Variants in GRM8 observed in about 807,000 individuals in gnomAD.
GRM8 encodes the protein glutamate metabotropic receptor 8, also known as metabotropic glutamate receptor 8.
A neutral mutation model predicts 87.2 loss-of-function variants in GRM8; 47 were observed. That is an observed-to-expected ratio of 0.54 (90% CI 0.43 to 0.69). The LOEUF is 0.69. GRM8 is among the 30% of genes least tolerant of loss of function. GRM8 has a pLI of 0.00. For missense variants in GRM8, 1,019 were observed against 1,139.2 expected, an observed-to-expected ratio of 0.89 and a Z score of 1.52; for synonymous variants, 396 against 404.5, an observed-to-expected ratio of 0.98 and a Z score of 0.25.
At chr7:126,458,551 C>T (rs1803529552) in intron 9 of GRM8, among the ~76,000 whole-genome samples, 1 of 151,152 alleles carries the variant, frequency 6.6e-6, no homozygotes, top group African/African-American at 2.4e-5. Flanking sequence ...GATTTTAATT[C>T]ATCTTTTCAA....
intron 7 of GRM8, among the ~76,000 whole-genome samples, chr7:126,663,705 G>A (rs1805459821): frequency 6.6e-6 from 1 of 152,090 alleles, no homozygotes; most frequent in African/African-American, 2.4e-5. Flanking sequence ...GGCAAAAGCT[G>A]GATACATCCC....
In GRM8 at chr7:127,070,586, C is replaced by T. The variant is rs575125198; in HGVS notation, c.727+35910G>A. ...CATAAACCATGATGTGTCCCAGAAG[C>T]TCATTGAAAACAATGAGCTAGCACA... On this transcript the variant is annotated intron_variant, in intron 3 of 10. Coordinates refer to ENST00000339582, the MANE Select transcript of GRM8 (RefSeq NM_000845.3). Among the ~76,000 whole-genome samples, 12 of 152,188 alleles carry T rather than the reference C, an allele frequency of 7.9e-5. No individual in the cohort carries two copies. The East Asian group carries it at 2.3e-3, about 29-fold the overall frequency.
At chr7:126,878,100 C>T (rs1330889463) in intron 6 of GRM8, among the ~76,000 whole-genome samples, 1 of 152,184 alleles carries the variant, frequency 6.6e-6, no homozygotes, top group Non-Finnish European at 1.5e-5. Context: ...CAGGGGAACA[C>T]ACTGCTTCTT....
chr7:126,994,785 C>G (rs983569067), intron 3 of GRM8, among the ~76,000 whole-genome samples: 5 of 152,116 alleles, frequency 3.3e-5, no homozygotes, highest in Non-Finnish European at 5.9e-5. Flanking sequence ...GGCTCCCAGA[C>G]AGCATCTCTA....
At chr7:126,712,862 T>G (rs1054415273) in intron 7 of GRM8, among the ~76,000 whole-genome samples, 2 of 152,198 alleles carry the variant, frequency 1.3e-5, no homozygotes, top group Admixed American at 6.5e-5. Flanking sequence ...TCATCACTTG[T>G]TGATAGAGAA....
At chr7:126,806,475 C>T (rs1792736481) in intron 6 of GRM8, among the ~76,000 whole-genome samples, 1 of 152,246 alleles carries the variant, frequency 6.6e-6, no homozygotes, top group African/African-American at 2.4e-5. Flanking sequence ...CGCAGCTGGC[C>T]TGCTTTTATT....
chr7:126,942,068 C>T (rs1358886390), intron 3 of GRM8, among the ~76,000 whole-genome samples: 1 of 152,016 alleles, frequency 6.6e-6, no homozygotes, highest in Non-Finnish European at 1.5e-5. Flanking sequence ...GTGAATTTGG[C>T]AAGGTGACTT....
chr7:127,200,087 A>G (rs965607490), intron 2 of GRM8, among the ~76,000 whole-genome samples: 3 of 152,220 alleles, frequency 2.0e-5, no homozygotes, highest in African/African-American at 7.2e-5. Flanking sequence ...GCAATAATCA[A>G]GACACCCAAC....
intron 1 of GRM8, among the ~76,000 whole-genome samples, chr7:127,248,306 A>C (rs775777287): frequency 3.3e-5 from 5 of 152,268 alleles, no homozygotes; most frequent in Non-Finnish European, 7.3e-5. Context: ...CACAGCCTCC[A>C]TTCAGGATCT....
intron 3 of GRM8, among the ~76,000 whole-genome samples, chr7:126,975,895 C>T (rs1330889253): frequency 6.6e-6 from 1 of 152,112 alleles, no homozygotes. Context: ...TCCTGCCTAC[C>T]TCATGACCAC....
At chr7:126,699,001 G>A (rs1809659488) in intron 7 of GRM8, among the ~76,000 whole-genome samples, 1 of 152,170 alleles carries the variant, frequency 6.6e-6, no homozygotes, top group African/African-American at 2.4e-5. Context: ...GGAATGTGGT[G>A]AAAGAAGCTG....
At chr7:126,445,597 G>A (rs944999300) in intron 10 of GRM8, 1 of 153,494 alleles carries the variant, frequency 6.5e-6, no homozygotes, top group African/African-American at 2.4e-5. Flanking sequence ...AAGCCCTCAG[G>A]AAGCCCAAGG....
intron 8 of GRM8, among the ~76,000 whole-genome samples, chr7:126,606,592 T>C (rs2151091102): frequency 6.6e-6 from 1 of 152,300 alleles, no homozygotes; most frequent in African/African-American, 2.4e-5. Flanking sequence ...ATAAAAGTCA[T>C]TTGATTTGTC....
At chr7:126,844,883 C>G (rs1796580014) in intron 6 of GRM8, among the ~76,000 whole-genome samples, 1 of 152,188 alleles carries the variant, frequency 6.6e-6, no homozygotes, top group East Asian at 1.9e-4. Context: ...CCTAAAAGCT[C>G]TATCTCCAAA....
chr7:126,616,392 T>G (rs1799494979), intron 7 of GRM8, among the ~76,000 whole-genome samples: 2 of 152,226 alleles, frequency 1.3e-5, no homozygotes, highest in African/African-American at 4.8e-5. Flanking sequence ...AGAGGGAAAT[T>G]TATAGCACGA....
chr7:126,472,619 A>G (rs1451356662), intron 9 of GRM8, among the ~76,000 whole-genome samples: 2 of 152,222 alleles, frequency 1.3e-5, no homozygotes, highest in African/African-American at 4.8e-5. Context: ...TTTTCTGAGG[A>G]GAAATTCAAG....
intron 9 of GRM8, among the ~76,000 whole-genome samples, chr7:126,453,620 T>C (rs1274762959): frequency 4.6e-5 from 7 of 151,786 alleles, no homozygotes; most frequent in Admixed American, 3.9e-4. Flanking sequence ...CAAGATCTGT[T>C]AAAGAAGGAG....
chr7:127,113,499 G>T (rs1587058499), intron 2 of GRM8, among the ~76,000 whole-genome samples: 2 of 152,176 alleles, frequency 1.3e-5, no homozygotes, highest in East Asian at 3.9e-4. Flanking sequence ...GCCAAAAAAG[G>T]TTTTTGTTCT....
chr7:126,664,705 T>C (rs948436000), intron 7 of GRM8, among the ~76,000 whole-genome samples: 1 of 152,032 alleles, frequency 6.6e-6, no homozygotes. Flanking sequence ...TTCTGGTCAT[T>C]GGCCTTGGGA....
Sources: allele counts gnomAD v4.1 joint callset (sites outside exome capture counted in the v4.1 genomes callset), GRCh38; gene constraint gnomAD v4.1.1; transcripts MANE v1.5; gene names NCBI Gene and HGNC (gene_info 2026-07-23, HGNC 2026-07-21).